IL27: variants seen among roughly 807,000 people sequenced by gnomAD.
IL27 encodes interleukin 27, also known as interleukin-27 subunit alpha.
Under a neutral mutation model 27.0 loss-of-function variants are expected in IL27, and 11 were observed. The observed-to-expected ratio is 0.41, with a 90% confidence interval of 0.26 to 0.67. IL27 has a LOEUF of 0.67. Ranked by LOEUF, IL27 falls within the 30% of genes least tolerant of loss-of-function variation. IL27 has a pLI of 0.34. For synonymous variants in IL27, 134 were observed against 140.6 expected, an observed-to-expected ratio of 0.95 and a Z score of 0.33; for missense variants, 299 against 310.4, an observed-to-expected ratio of 0.96 and a Z score of 0.28.
intron 4 of IL27, among the ~76,000 whole-genome samples, chr16:28,501,573 TCACA>T (rs1422086940): frequency 2.2e-5 from 1 of 46,192 alleles, no homozygotes; most frequent in Non-Finnish European, 5.2e-5. Flanking sequence ...ACACACACAC[TCACA>T]GTCACACCCA....
chr16:28,500,652 G>A (rs1330884734), intron 4 of IL27, among the ~76,000 whole-genome samples: 1 of 152,108 alleles, frequency 6.6e-6, no homozygotes, highest in Admixed American at 6.6e-5. Flanking sequence ...GGAGGATCTG[G>A]GTGACATCAG....
chr16:28,501,938 C>G, intron 4 of IL27, 38 bp downstream of exon 4: 1 of 1,581,368 alleles, frequency 6.3e-7, no homozygotes, highest in Non-Finnish European at 8.6e-7. Context: ...TCTTCTTTCC[C>G]ACGTGGTCTG....
At chr16:28,501,688 C>A (rs1375107785) in intron 4 of IL27, among the ~76,000 whole-genome samples, 2 of 151,472 alleles carry the variant, frequency 1.3e-5, no homozygotes, top group African/African-American at 4.9e-5. Context: ...CTCATACAGA[C>A]CCACATGCAC....
At chr16:28,501,220 A>G (rs1425241659) in intron 4 of IL27, among the ~76,000 whole-genome samples, 6 of 151,008 alleles carry the variant, frequency 4.0e-5, no homozygotes, top group African/African-American at 1.5e-4. Context: ...ACGTACCCAC[A>G]TACTCTCACA....
At chr16:28,502,245 C>T (rs749907481) in intron 3 of IL27, 111 bp from the exon 4 acceptor site, 15 of 1,005,392 alleles carry the variant, frequency 1.5e-5, no homozygotes, top group Non-Finnish European at 2.2e-5. Context: ...AGCCTCCAGT[C>T]CATCCCTGTA....
chr16:28,503,781 G>A lies in IL27; in HGVS notation c.217C>T (p.Leu73=). 1 of 1,613,602 alleles carries A rather than the reference G, an allele frequency of 6.2e-7. No homozygotes were observed. Among genetic ancestry groups the A allele is most frequent in the South Asian group, 1.1e-5 (1 of 91,008 alleles). The change falls in exon 3 of 5, where the codon CTG becomes TTG. Residue 73 remains leucine (L), a synonymous_variant. Transcript: ENST00000356897. ...GQAHRFAESH[L]PGVNLYLLPL... is the part of the protein sequence containing the mutation. Reference sequence around the variant, plus strand: ...AGGAGGTACAGGTTCACTCCTGGCAGGTGAGATTCCGCCTGGGGGGCAAGG... The same window carrying A: ...AGGAGGTACAGGTTCACTCCTGGCAAGTGAGATTCCGCCTGGGGGGCAAGG...
intron 4 of IL27, among the ~76,000 whole-genome samples, chr16:28,501,072 C>G (rs1305907902): frequency 6.6e-6 from 1 of 152,084 alleles, no homozygotes; most frequent in Non-Finnish European, 1.5e-5. Flanking sequence ...GCCTGTAGTC[C>G]TAGCTACTCA....
chr16:28,502,405 C>A (rs1419162782), intron 3 of IL27, among the ~76,000 whole-genome samples: 1 of 152,020 alleles, frequency 6.6e-6, no homozygotes, highest in Admixed American at 6.6e-5. Context: ...GAAGCACTCT[C>A]CATCCACAGC....
chr16:28,505,856 T>C (rs2046458189), intron 1 of IL27, among the ~76,000 whole-genome samples: 1 of 152,274 alleles, frequency 6.6e-6, no homozygotes, highest in African/African-American at 2.4e-5. Context: ...CTCTAACCCC[T>C]GGGCTCTGCT....
chr16:28,506,613 G>A (rs1356442118), intron 1 of IL27, among the ~76,000 whole-genome samples, 168 bp downstream of exon 1: 1 of 151,824 alleles, frequency 6.6e-6, no homozygotes, highest in Non-Finnish European at 1.5e-5. Context: ...CACTGCCCCA[G>A]GCCCCCACCC....
At position 28,506,794 on chromosome 16, in the gene IL27, G is replaced by A. The variant is rs781397977; in HGVS notation, c.18C>T (p.Gly6=). 74 of 1,611,730 alleles carry A rather than the reference G, an allele frequency of 4.6e-5. No homozygotes were observed. Among genetic ancestry groups the A allele is most frequent in the East Asian group, 4.0e-4 (18 of 44,530 alleles). MGQTA[G]DLGWRLSLLL... ...CTTCAAACTCACGCCAGCCAAGGTCGCCTGCCGTCTGGCCCATGGCGGGGC... is the reference window on the plus strand; with the variant it reads ...CTTCAAACTCACGCCAGCCAAGGTCACCTGCCGTCTGGCCCATGGCGGGGC... Residue 6 remains glycine (G), a synonymous_variant, in exon 1 of 5, where the codon GGC becomes GGT. Coordinates refer to ENST00000356897, the MANE Select transcript of IL27 (RefSeq NM_145659.3).
chr16:28,506,717 A>G, intron 1 of IL27, 64 bp downstream of exon 1: 1 of 1,553,104 alleles, frequency 6.4e-7, no homozygotes, highest in Non-Finnish European at 8.8e-7. Context: ...CATCTGCACC[A>G]GCCAAGCTCG....
At chr16:28,499,998 G>C in intron 4 of IL27, 78 bp from the exon 5 acceptor site, 1 of 1,455,430 alleles carries the variant, frequency 6.9e-7, no homozygotes, top group Non-Finnish European at 9.1e-7. Flanking sequence ...TTCATGCCCA[G>C]CGGTTCCCAA....
In IL27 at chr16:28,500,979, C is replaced by T. The variant is rs533482560; in HGVS notation, c.462+997G>A. 3.3e-5 allele frequency among the ~76,000 whole-genome samples: 5 copies of T among 152,118 alleles called. No individual in the cohort carries two copies. In the East Asian group the frequency reaches 7.7e-4, roughly 24 times the overall value. On this transcript the variant is annotated intron_variant, in intron 4 of 4. Transcript: ENST00000356897. ...CTTTGGGAAGCCGAGGCGGGCAGAG[C>T]GCGAGGTCAGGAGTCTGAGACCAGC...
At chr16:28,501,833 A>G in intron 4 of IL27, 143 bp downstream of exon 4, 1 of 992,206 alleles carries the variant, frequency 1.0e-6, no homozygotes, top group African/African-American at 1.6e-5. Flanking sequence ...TCACTCTCAC[A>G]CTCATGAACC....
chr16:28,504,180 T>C (rs2046449093), intron 1 of IL27, 130 bp from the exon 2 acceptor site: 3 of 940,462 alleles, frequency 3.2e-6, no homozygotes, highest in Non-Finnish European at 4.7e-6. Flanking sequence ...CTCTGCCTCC[T>C]CAAAACCACA....
In IL27 at chr16:28,502,096, C is replaced by A; in HGVS notation, c.342G>T (p.Gln114His). The A allele has an allele frequency of 6.2e-7, 1 of 1,613,222 alleles. No individual in the cohort carries two copies. Among genetic ancestry groups the A allele is most frequent in the East Asian group, 2.2e-5 (1 of 44,876 alleles). The change falls in exon 4 of 5, where the codon CAG (glutamine) becomes CAT (histidine). Residue 114 changes from glutamine (Q) to histidine (H), a missense_variant. By Grantham distance (24) the Gln-to-His change is conservative. Coordinates refer to ENST00000356897, the MANE Select transcript of IL27 (RefSeq NM_145659.3). The part of the protein sequence containing the change: ...ERLCFISTTL[Q>H]PFHALLGGLG... Reference sequence around the variant, plus strand: ...GCCCTCCCAGCAGGGCATGGAAGGGCTGAAGCGTGGTGGAGATGAAGCAGA... The same window carrying A: ...GCCCTCCCAGCAGGGCATGGAAGGGATGAAGCGTGGTGGAGATGAAGCAGA...
chr16:28,499,895 G>C lies in IL27; in HGVS notation c.488C>G (p.Pro163Arg). The C allele has an allele frequency of 6.4e-7, 1 of 1,550,494 alleles. No homozygotes were observed. Among genetic ancestry groups the C allele is most frequent in the Non-Finnish European group, 8.7e-7 (1 of 1,146,202 alleles). The change falls in exon 5 of 5, where the codon CCG (proline) becomes CGG (arginine). Residue 163 changes from proline to arginine, a missense_variant. Transcript: ENST00000356897. ...CTCCTCTTCCTCCTCCTCCTCCTCC[G>C]GGAGGTTGAATCCTGCAGCCAGCAC... is the stretch of plus-strand genomic sequence containing the variant. ...FQVLAAGFNL[P>R]EEEEEEEEEE... is the part of the protein sequence containing the mutation.
chr16:28,501,984 G>C lies in IL27; in HGVS notation c.454C>G (p.Arg152Gly), dbSNP rs939263844. The C allele has an allele frequency of 1.2e-6, 2 of 1,604,952 alleles. No individual in the cohort carries two copies. The highest frequency in any genetic ancestry group is 1.3e-5 in the African/African-American group (1 of 74,832). ...LDLRDLQRHL[R>G]FQVLAAGFNL... ...GGGTGGCCGGGCTCTACCTGGAAGCGGAGGTGCCGCTGCAGATCGCGGAGG... is the reference window on the plus strand; with the variant it reads ...GGGTGGCCGGGCTCTACCTGGAAGCCGAGGTGCCGCTGCAGATCGCGGAGG... The change falls in exon 4 of 5, where the codon CGC becomes GGC. Residue 152 changes from arginine (R) to glycine (G), a missense_variant. By Grantham distance (125) the Arg-to-Gly change is moderately radical. Coordinates refer to ENST00000356897, the MANE Select transcript of IL27 (RefSeq NM_145659.3).
Sources: allele counts gnomAD v4.1 joint callset (sites outside exome capture counted in the v4.1 genomes callset), GRCh38; gene constraint gnomAD v4.1.1; transcripts MANE v1.5; gene names NCBI Gene and HGNC (gene_info 2026-07-23, HGNC 2026-07-21).